The following KCND2 variants were observed in gnomAD, a reference collection of about 807,000 sequenced individuals.
KCND2 encodes the protein potassium voltage-gated channel subfamily D member 2, also known as A-type voltage-gated potassium channel KCND2.
KCND2 carries 16 observed loss-of-function variants against 54.4 expected under a neutral mutation model. That is an observed-to-expected ratio of 0.29 (90% CI 0.20 to 0.45). The LOEUF is 0.45. Among genes scored for constraint, KCND2 ranks in the 20% least tolerant of loss-of-function variants. The pLI is 1.00. For synonymous variants in KCND2, 317 were observed against 310.7 expected (o/e 1.02, Z -0.21); for missense variants, 486 against 824.2 (o/e 0.59, Z 5.02).
chr7:120,613,775 G>T (rs1446698853), intron 1 of KCND2, among the ~76,000 whole-genome samples: 1 of 151,888 alleles, frequency 6.6e-6, no homozygotes, highest in South Asian at 2.1e-4. Flanking sequence ...GTATTTTCTT[G>T]ATTGTTAAGA....
At chr7:120,631,149 G>A (rs564633367) in intron 1 of KCND2, among the ~76,000 whole-genome samples, 2 of 151,904 alleles carry the variant, frequency 1.3e-5, no homozygotes, top group Non-Finnish European at 2.9e-5. Context: ...TGAATGTAAG[G>A]TCTTATAAAA....
intron 1 of KCND2, among the ~76,000 whole-genome samples, chr7:120,727,301 G>A (rs1792745840): frequency 6.6e-6 from 1 of 151,960 alleles, no homozygotes; most frequent in Admixed American, 6.6e-5. Flanking sequence ...ATACTAAACA[G>A]GGAAATATTT....
chr7:120,420,010 A>G (rs1801588786), intron 1 of KCND2, among the ~76,000 whole-genome samples: 1 of 151,170 alleles, frequency 6.6e-6, no homozygotes, highest in South Asian at 2.1e-4. Flanking sequence ...AAAAAAAAAA[A>G]AAGAAAGAAA....
intron 1 of KCND2, among the ~76,000 whole-genome samples, chr7:120,398,003 A>G (rs1004234820): frequency 0.29 from 5,985 of 20,746 alleles, 172 homozygotes; most frequent in Non-Finnish European, 0.45. Flanking sequence ...GTGTATATAT[A>G]TATATATATA....
chr7:120,396,653 C>T (rs1375692797), intron 1 of KCND2, among the ~76,000 whole-genome samples: 1 of 151,710 alleles, frequency 6.6e-6, no homozygotes, highest in Non-Finnish European at 1.5e-5. Flanking sequence ...TTCAGTACTC[C>T]TAGGTTTAAA....
chr7:120,545,022 C>T (rs1792026441), intron 1 of KCND2, among the ~76,000 whole-genome samples: 1 of 151,892 alleles, frequency 6.6e-6, no homozygotes, highest in Non-Finnish European at 1.5e-5. Context: ...CTGAAAATGA[C>T]TTTAGAGATC....
At chr7:120,367,907 A>G (rs549702925) in intron 1 of KCND2, among the ~76,000 whole-genome samples, 3 of 152,076 alleles carry the variant, frequency 2.0e-5, no homozygotes, top group Non-Finnish European at 4.4e-5. Flanking sequence ...CTTCCTGACA[A>G]ATATCTGCTT....
intron 1 of KCND2, among the ~76,000 whole-genome samples, chr7:120,368,307 A>T (rs1584749913): frequency 6.6e-6 from 1 of 152,096 alleles, no homozygotes; most frequent in East Asian, 1.9e-4. Context: ...GAGAGTTTTT[A>T]TTTTTAATGT....
intron 1 of KCND2, among the ~76,000 whole-genome samples, chr7:120,569,242 G>A (rs1157397478): frequency 1.3e-5 from 2 of 151,988 alleles, no homozygotes; most frequent in Non-Finnish European, 2.9e-5. Context: ...ACAAATAACT[G>A]AATGCTCTGG....
At chr7:120,547,161 A>G (rs1792051253) in intron 1 of KCND2, among the ~76,000 whole-genome samples, 1 of 152,018 alleles carries the variant, frequency 6.6e-6, no homozygotes, top group African/African-American at 2.4e-5. Flanking sequence ...AATTGCTTAT[A>G]TTTAAATTTT....
intron 1 of KCND2, among the ~76,000 whole-genome samples, chr7:120,676,642 A>C (rs1792064659): frequency 6.6e-6 from 1 of 152,204 alleles, no homozygotes; most frequent in South Asian, 2.1e-4. Flanking sequence ...GATATATTTC[A>C]AGATATCAAA....
At chr7:120,583,873 A>G (rs1336758855) in intron 1 of KCND2, among the ~76,000 whole-genome samples, 2 of 152,166 alleles carry the variant, frequency 1.3e-5, no homozygotes, top group African/African-American at 4.8e-5. Flanking sequence ...GAGAGACATT[A>G]AACTTTGAGG....
Position 120,273,860 on chromosome 7 carries a change from C to T in KCND2, c.-773C>T, listed in dbSNP as rs1799126162. ...CAGCTCCTGAGCTCTGTAACTGTCA[C>T]ACTGCACCTGAGCTGAACTTGAAAA... On this transcript the variant is annotated 5_prime_UTR_variant, in exon 1 of 6. Transcript: ENST00000331113. 6.5e-6 allele frequency: 1 copy of T among 152,798 alleles called. No individual in the cohort carries two copies. The highest frequency in any genetic ancestry group is 1.5e-5 in the Non-Finnish European group (1 of 68,174). The allele number at this position is 152,798 out of a possible 1,614,324, so 9.5% of individuals were successfully genotyped here.
intron 1 of KCND2, among the ~76,000 whole-genome samples, chr7:120,380,704 T>G (rs1011895192): frequency 5.3e-5 from 8 of 152,172 alleles, no homozygotes; most frequent in African/African-American, 1.9e-4. Context: ...AGTTGTTATA[T>G]AGATGTTCAT....
At chr7:120,320,463 C>T (rs1799879083) in intron 1 of KCND2, among the ~76,000 whole-genome samples, 1 of 152,118 alleles carries the variant, frequency 6.6e-6, no homozygotes, top group Non-Finnish European at 1.5e-5. Flanking sequence ...GCTTACAGTG[C>T]AGCCAGGGTG....
At chr7:120,516,589 A>G (rs1290971197) in intron 1 of KCND2, among the ~76,000 whole-genome samples, 1 of 152,118 alleles carries the variant, frequency 6.6e-6, no homozygotes, top group Non-Finnish European at 1.5e-5. Context: ...TGTTACTCAC[A>G]TCCAGAAATG....
chr7:120,511,584 A>G (rs920941735), intron 1 of KCND2, among the ~76,000 whole-genome samples: 1 of 152,164 alleles, frequency 6.6e-6, no homozygotes, highest in African/African-American at 2.4e-5. Flanking sequence ...TGATTTTTAC[A>G]TAATTTGAAT....
intron 1 of KCND2, among the ~76,000 whole-genome samples, chr7:120,612,820 A>G (rs1792973319): frequency 6.6e-6 from 1 of 152,210 alleles, no homozygotes; most frequent in Non-Finnish European, 1.5e-5. Context: ...CGTGAGTCTC[A>G]TACAGTTACT....
At chr7:120,464,972 G>T (rs550201075) in intron 1 of KCND2, among the ~76,000 whole-genome samples, 1 of 152,236 alleles carries the variant, frequency 6.6e-6, no homozygotes, top group South Asian at 2.1e-4. Context: ...AGGTCAACTG[G>T]CTGGCTACTG....
Sources: gnomAD v4.1 joint callset for allele counts (sites outside exome capture counted in the v4.1 genomes callset) on GRCh38, gnomAD v4.1.1 for gene constraint, MANE v1.5 for transcripts, NCBI Gene and HGNC (gene_info 2026-07-23, HGNC 2026-07-21) for gene names.